CES1: variants seen among roughly 807,000 people sequenced by gnomAD.
CES1 encodes liver carboxylesterase 1.
In CES1, 50 loss-of-function variants were observed where a neutral mutation model predicts 53.0. The ratio of observed to expected loss-of-function variants is 0.94; its 90% CI spans 0.75 to 1.19. The LOEUF is 1.19. CES1 is among the 50% of genes most tolerant of loss of function. The pLI is 0.00. For synonymous variants in CES1, 202 were observed against 210.1 expected, an observed-to-expected ratio of 0.96 and a Z score of 0.33; for missense variants, 534 against 538.0, an observed-to-expected ratio of 0.99 and a Z score of 0.07.
intron 8 of CES1, among the ~76,000 whole-genome samples, chr16:55,816,554 C>G (rs1490356504): frequency 6.6e-6 from 1 of 152,208 alleles, no homozygotes; most frequent in Non-Finnish European, 1.5e-5. Context: ...ATTTAGGCTT[C>G]CCCTCTCCTT....
At chr16:55,813,688 C>T (rs1448813725) in intron 8 of CES1, among the ~76,000 whole-genome samples, 1 of 152,126 alleles carries the variant, frequency 6.6e-6, no homozygotes, top group Non-Finnish European at 1.5e-5. Flanking sequence ...CAGCTCCTGC[C>T]TCATCCAAGC....
At chr16:55,820,311 A>G in intron 6 of CES1, 61 bp downstream of exon 6, 1 of 1,035,860 alleles carries the variant, frequency 9.7e-7, no homozygotes, top group South Asian at 1.4e-5. Context: ...CTGAGGATTC[A>G]GGAGCATAGA....
At chr16:55,831,777 G>A (rs1349644875) in intron 1 of CES1, among the ~76,000 whole-genome samples, 46 of 151,792 alleles carry the variant, frequency 3.0e-4, no homozygotes, top group Non-Finnish European at 5.9e-4. Context: ...GATGCAGACG[G>A]GGCTGGGCTG....
intron 11 of CES1, among the ~76,000 whole-genome samples, chr16:55,810,121 A>AC (rs2031621897): frequency 6.6e-6 from 1 of 151,874 alleles, no homozygotes; most frequent in African/African-American, 2.4e-5. Context: ...GTGAATAAAT[A>AC]CCCGGCTCCC....
intron 3 of CES1, 98 bp downstream of exon 3, chr16:55,826,053 G>C (rs1345947946): frequency 8.7e-6 from 13 of 1,487,552 alleles, no homozygotes; most frequent in East Asian, 2.2e-5. Flanking sequence ...GGCCTGTGCA[G>C]CTCCCTCCCC....
chr16:55,824,598 A>T (rs1287854158), intron 3 of CES1, among the ~76,000 whole-genome samples: 1 of 152,222 alleles, frequency 6.6e-6, no homozygotes, highest in Non-Finnish European at 1.5e-5. Flanking sequence ...TAGCAGCAGG[A>T]CTTTAACCCA....
At chr16:55,827,795 T>C (rs1405874702) in intron 2 of CES1, 1 of 152,170 alleles carries the variant, frequency 6.6e-6, no homozygotes, top group Non-Finnish European at 1.5e-5. Flanking sequence ...GCATCCAAAT[T>C]ATCTCAATAT....
chr16:55,832,114 ATT>A (rs2032707106), intron 1 of CES1, among the ~76,000 whole-genome samples: 1 of 152,140 alleles, frequency 6.6e-6, no homozygotes, highest in South Asian at 2.1e-4. Flanking sequence ...GTACAAAACA[ATT>A]AGGAACAGCC....
intron 1 of CES1, among the ~76,000 whole-genome samples, chr16:55,831,276 G>A (rs114002469): frequency 0.058 from 8,866 of 151,848 alleles, 297 homozygotes; most frequent in Middle Eastern, 0.092. Context: ...CGAGGAACCA[G>A]CTAAGAGTGC....
chr16:55,809,925 G>T (rs372567217), intron 11 of CES1, among the ~76,000 whole-genome samples: 38 of 152,108 alleles, frequency 2.5e-4, no homozygotes, highest in African/African-American at 8.7e-4. Context: ...ATGCTGCCAG[G>T]GTCTCACCTA....
chr16:55,831,223 G>A (rs1193988421), intron 1 of CES1, among the ~76,000 whole-genome samples: 4 of 152,184 alleles, frequency 2.6e-5, no homozygotes, highest in African/African-American at 9.7e-5. Context: ...GAATAGGGGA[G>A]AGAGAACGTT....
At chr16:55,813,137 A>C in intron 8 of CES1, 94 bp from the exon 9 acceptor site, 2 of 1,548,732 alleles carry the variant, frequency 1.3e-6, no homozygotes, top group South Asian at 2.2e-5. Flanking sequence ...AGTACCATAG[A>C]CCGGCATGGC....
Position 55,821,251 on chromosome 16 carries a change from A to C in CES1, c.693+117T>G, listed in dbSNP as rs191580671. On this transcript the variant is annotated intron_variant, in intron 5 of 13. Transcript: ENST00000360526. The stretch of plus-strand genomic sequence containing the variant: ...CTGATGCTGGGCTGTGAGTAGGGCC[A>C]GTCCTGAATTCAGGTATTGTAATCA... 2.4e-3 allele frequency: 3,277 copies of C among 1,352,598 alleles called. 12 individuals carry two copies. The highest frequency in any genetic ancestry group is 0.018 in the Middle Eastern group (100 of 5,616). The allele number at this position is 1,352,598 out of a possible 1,614,324, so 83.8% of individuals were successfully genotyped here. A position where few individuals can be genotyped will look rare whatever the true frequency, so the allele number is the denominator to read the frequency against.
chr16:55,812,433 A>G (rs1259753146), intron 9 of CES1: 25 of 245,610 alleles, frequency 1.0e-4, no homozygotes, highest in Middle Eastern at 1.4e-3. Flanking sequence ...GCTGTTCCCT[A>G]GAAGTCAATG....
intron 9 of CES1, chr16:55,812,524 C>T: frequency 2.9e-6 from 1 of 339,998 alleles, no homozygotes; most frequent in Admixed American, 4.0e-5. Context: ...GGGAATTACG[C>T]ACACCCAGCC....
At chr16:55,812,444 G>A (rs1187946887) in intron 9 of CES1, 1 of 251,388 alleles carries the variant, frequency 4.0e-6, no homozygotes, top group East Asian at 8.8e-5. Flanking sequence ...GAAGTCAATG[G>A]TAACTCAAGA....
intron 2 of CES1, among the ~76,000 whole-genome samples, chr16:55,827,277 C>CAATAAGAATAAT (rs1555513627): frequency 7.0e-6 from 1 of 143,796 alleles, no homozygotes. Context: ...AGAGGAATAA[C>CAATAAGAATAAT]AATAATAATA....
At chr16:55,832,073 T>C (rs1351926993) in intron 1 of CES1, among the ~76,000 whole-genome samples, 2 of 152,210 alleles carry the variant, frequency 1.3e-5, no homozygotes, top group African/African-American at 4.8e-5. Flanking sequence ...CCCTGGCCAC[T>C]ACCCACCTGC....
chr16:55,826,306 G>A lies in CES1; in HGVS notation c.261-11C>T. 2 of 1,613,960 alleles carry A rather than the reference G, an allele frequency of 1.2e-6. No homozygotes were observed. The highest frequency in any genetic ancestry group is 1.1e-5 in the South Asian group (1 of 91,072). ...GGATCTTGGGTGCACCTGGGGAGGGGGAAAGAAGAACCCCTGAAGTTCAGC... is the reference window on the plus strand; with the variant it reads ...GGATCTTGGGTGCACCTGGGGAGGGAGAAAGAAGAACCCCTGAAGTTCAGC... On this transcript the variant is annotated splice_polypyrimidine_tract_variant and intron_variant, in intron 2 of 13. Coordinates refer to ENST00000360526, the MANE Select transcript of CES1 (RefSeq NM_001025195.2).
Sources: gnomAD v4.1 joint callset for allele counts (sites outside exome capture counted in the v4.1 genomes callset) on GRCh38, gnomAD v4.1.1 for gene constraint, MANE v1.5 for transcripts, NCBI Gene and HGNC (gene_info 2026-07-23, HGNC 2026-07-21) for gene names.